FRMD4B: variants seen among roughly 807,000 people sequenced by gnomAD.
FRMD4B encodes the protein FERM domain containing 4B, also known as FERM domain-containing protein 4B.
A neutral mutation model predicts 141.5 loss-of-function variants in FRMD4B; 74 were observed. That is an observed-to-expected ratio of 0.52 (90% CI 0.43 to 0.63). The LOEUF (loss-of-function observed/expected upper bound fraction) is 0.63, where lower values mean the gene tolerates loss of function less well. FRMD4B is among the 30% of genes least tolerant of loss of function. The probability of loss-of-function intolerance (pLI) is 0.00; values close to 1 mark genes in which losing one functional copy is unlikely to be tolerated. For synonymous variants in FRMD4B, 506 were observed against 467.9 expected (o/e 1.08, Z -1.05); for missense variants, 1,366 against 1,253.4 (o/e 1.09, Z -1.36).
intron 2 of FRMD4B, 95 bp downstream of exon 2, chr3:69,313,357 G>A (rs1438457095): frequency 2.6e-6 from 2 of 775,880 alleles, no homozygotes; most frequent in East Asian, 2.7e-5. Flanking sequence ...CAGACTATGA[G>A]GCTCAGAGAG....
At chr3:69,456,257 A>G (rs1046300532) in intron 1 of FRMD4B, among the ~76,000 whole-genome samples, 1 of 152,222 alleles carries the variant, frequency 6.6e-6, no homozygotes, top group Non-Finnish European at 1.5e-5. Context: ...AAAGTAAGAA[A>G]AAAAACGCCA....
At chr3:69,185,633 G>A (rs187699896) in intron 19 of FRMD4B, among the ~76,000 whole-genome samples, 1 of 152,286 alleles carries the variant, frequency 6.6e-6, no homozygotes, top group East Asian at 1.9e-4. Flanking sequence ...CTGGCCCTCA[G>A]TGTGCTTATC....
In FRMD4B at chr3:69,325,982, G is replaced by GTCTC. The variant is rs72335731; in HGVS notation, c.163-12469_163-12466dup. On this transcript the variant is annotated intron_variant, in intron 1 of 22. Coordinates refer to ENST00000398540, the MANE Select transcript of FRMD4B (RefSeq NM_015123.3). ...CTAGATTATTATTATTTGAGACAAG[G>GTCTC]TCTCTCTCTCTATCACCCAGGCTGG... is the stretch of plus-strand genomic sequence containing the variant. Among the ~76,000 whole-genome samples the GTCTC allele has an allele frequency of 3.3e-5, 5 of 151,742 alleles. No individual in the cohort carries two copies. The East Asian group carries it at 5.8e-4, about 18-fold the overall frequency.
intron 1 of FRMD4B, among the ~76,000 whole-genome samples, chr3:69,484,810 C>T (rs76726643): frequency 0.11 from 16,708 of 152,076 alleles, 1,025 homozygotes; most frequent in South Asian, 0.19. Context: ...TCTGGCTGAA[C>T]CTGAGGCTTT....
At chr3:69,386,101 G>A (rs185470131), upstream of FRMD4B, 52 of 987,182 alleles carry the variant, frequency 5.3e-5, 1 homozygote, top group African/African-American at 7.8e-4. Flanking sequence ...CAGCCGGGGG[G>A]TCAAGCCTGC....
At chr3:69,203,681 C>A (rs2092995098) in intron 11 of FRMD4B, among the ~76,000 whole-genome samples, 1 of 152,148 alleles carries the variant, frequency 6.6e-6, no homozygotes, top group South Asian at 2.1e-4. Flanking sequence ...ATGGGACCAC[C>A]AACACCCACC....
intron 5 of FRMD4B, among the ~76,000 whole-genome samples, chr3:69,277,699 T>G (rs1276636812): frequency 6.6e-6 from 1 of 151,606 alleles, no homozygotes; most frequent in Non-Finnish European, 1.5e-5. Flanking sequence ...GCCCAGCTAA[T>G]TTTTGTATTT....
chr3:69,191,465 A>G (rs1192717149), intron 17 of FRMD4B, among the ~76,000 whole-genome samples: 3 of 152,180 alleles, frequency 2.0e-5, no homozygotes, highest in African/African-American at 7.2e-5. Flanking sequence ...CGTATTCAGT[A>G]AAGAAAAGTA....
At chr3:69,490,098 G>A (rs1441531359) in intron 1 of FRMD4B, among the ~76,000 whole-genome samples, 1 of 152,150 alleles carries the variant, frequency 6.6e-6, no homozygotes, top group Non-Finnish European at 1.5e-5. Context: ...CTGCCAATGG[G>A]TATGGGGTTT....
At chr3:69,276,175 T>A (rs1441934661) in intron 5 of FRMD4B, among the ~76,000 whole-genome samples, 1 of 152,190 alleles carries the variant, frequency 6.6e-6, no homozygotes, top group Non-Finnish European at 1.5e-5. Context: ...TTGGAAATAA[T>A]GATGTAAAAT....
intron 20 of FRMD4B, 59 bp from the exon 21 acceptor site, chr3:69,181,769 G>A: frequency 3.8e-6 from 4 of 1,044,268 alleles, no homozygotes; most frequent in Admixed American, 2.6e-5. Flanking sequence ...ACCCAAATAA[G>A]AAAAAAGAAT....
intron 1 of FRMD4B, among the ~76,000 whole-genome samples, chr3:69,375,147 C>T (rs1472786410): frequency 2.0e-5 from 3 of 151,158 alleles, no homozygotes; most frequent in Non-Finnish European, 3.0e-5. Context: ...AACAATCCAC[C>T]CATCTATCCA....
chr3:69,519,567 T>C (rs1183623933), intron 1 of FRMD4B, among the ~76,000 whole-genome samples: 1 of 152,200 alleles, frequency 6.6e-6, no homozygotes, highest in African/African-American at 2.4e-5. Context: ...TTCTATTTTC[T>C]CTACCTAGAC....
chr3:69,195,572 G>T (rs1247205497), intron 14 of FRMD4B, among the ~76,000 whole-genome samples: 1 of 151,988 alleles, frequency 6.6e-6, no homozygotes, highest in Non-Finnish European at 1.5e-5. Flanking sequence ...GTGCCTTTTT[G>T]CATCCTGGCT....
Position 69,207,868 on chromosome 3 carries a change from C to T in FRMD4B, c.876+8395G>A, listed in dbSNP as rs915995095. On this transcript the variant is annotated intron_variant, in intron 11 of 22. Coordinates refer to ENST00000398540, the MANE Select transcript of FRMD4B (RefSeq NM_015123.3). ...GGTTCTGCCTGTCTGGCAGCCACTT[C>T]CTTTTCTTCTAGCAGCATCTTCCAT... Among the ~76,000 whole-genome samples the T allele has an allele frequency of 6.6e-5, 10 of 152,142 alleles. No homozygotes were observed. In the South Asian group the frequency reaches 8.3e-4, roughly 13 times the overall value.
intron 1 of FRMD4B, among the ~76,000 whole-genome samples, chr3:69,319,757 A>G (rs924636596): frequency 6.6e-6 from 1 of 152,230 alleles, no homozygotes; most frequent in African/African-American, 2.4e-5. Flanking sequence ...AACAAAATTC[A>G]TAAGTGGCAG....
At chr3:69,475,559 G>C (rs576652659) in intron 1 of FRMD4B, among the ~76,000 whole-genome samples, 2 of 152,178 alleles carry the variant, frequency 1.3e-5, no homozygotes, top group Admixed American at 1.3e-4. Context: ...TGGCTGCATA[G>C]TATTCCATGG....
chr3:69,450,794 C>T (rs1248378694), intron 1 of FRMD4B, among the ~76,000 whole-genome samples: 1 of 128,028 alleles, frequency 7.8e-6, no homozygotes, highest in East Asian at 2.3e-4. Context: ...AACAACAAAA[C>T]AACAACAACA....
chr3:69,250,823 C>T (rs1007582586), intron 5 of FRMD4B, among the ~76,000 whole-genome samples: 5 of 150,558 alleles, frequency 3.3e-5, no homozygotes, highest in African/African-American at 4.9e-5. Flanking sequence ...CACAGTGGCT[C>T]ATGCCCATAA....
Sources: gnomAD v4.1 joint callset for allele counts (sites outside exome capture counted in the v4.1 genomes callset) on GRCh38, gnomAD v4.1.1 for gene constraint, MANE v1.5 for transcripts, NCBI Gene and HGNC (gene_info 2026-07-23, HGNC 2026-07-21) for gene names.